The following SEC63 variants were observed in gnomAD, a reference collection of about 807,000 sequenced individuals.
SEC63 encodes translocation protein SEC63 homolog.
Under a neutral mutation model 116.2 loss-of-function variants are expected in SEC63, and 56 were observed. The observed-to-expected ratio is 0.48, with a 90% confidence interval of 0.39 to 0.60. The LOEUF (loss-of-function observed/expected upper bound fraction) is 0.60. Among genes scored for constraint, SEC63 ranks in the 20% least tolerant of loss-of-function variants. The pLI is 0.00. For synonymous variants in SEC63, 273 were observed against 294.6 expected (o/e 0.93, Z 0.75); for missense variants, 668 against 900.0 (o/e 0.74, Z 3.30).
intron 16 of SEC63, among the ~76,000 whole-genome samples, chr6:107,889,202 C>T (rs892842839): frequency 1.3e-5 from 2 of 152,106 alleles, no homozygotes; most frequent in African/African-American, 2.4e-5. Context: ...AGAATTTGGC[C>T]GTGAAACCAT....
At chr6:107,922,476 A>G (rs1257726501) in intron 3 of SEC63, among the ~76,000 whole-genome samples, 1 of 152,274 alleles carries the variant, frequency 6.6e-6, no homozygotes, top group Non-Finnish European at 1.5e-5. Flanking sequence ...ACTGCACTCC[A>G]GCCTAGCTGA....
chr6:107,908,890 A>G (rs374838462), intron 8 of SEC63, 37 bp downstream of exon 8: 2 of 1,198,624 alleles, frequency 1.7e-6, no homozygotes, highest in Non-Finnish European at 2.5e-6. Flanking sequence ...TCACAAAACA[A>G]TGTGATTAAT....
At position 107,882,975 on chromosome 6, in the gene SEC63, C is replaced by T. The variant is rs973854952; in HGVS notation, c.1833+13G>A. ...TTCCAATTATTTAAATTATTTAAACCTATAAGGCTTACTGCTTCATCATCT... is the reference window on the plus strand; with the variant it reads ...TTCCAATTATTTAAATTATTTAAACTTATAAGGCTTACTGCTTCATCATCT... On this transcript the variant is annotated intron_variant, in intron 17 of 20. Transcript: ENST00000369002. The T allele has an allele frequency of 6.6e-7, 1 of 1,516,400 alleles. No homozygotes were observed. Among genetic ancestry groups the T allele is most frequent in the East Asian group, 2.3e-5 (1 of 44,300 alleles). The allele number at this position is 1,516,400 out of a possible 1,614,324, so 93.9% of individuals were successfully genotyped here.
At chr6:107,936,136 C>A (rs1313308851) in intron 1 of SEC63, among the ~76,000 whole-genome samples, 1 of 152,206 alleles carries the variant, frequency 6.6e-6, no homozygotes, top group Non-Finnish European at 1.5e-5. Context: ...GTATGATGTT[C>A]TACTGTTCCT....
At chr6:107,947,061 A>T (rs1194431962) in intron 1 of SEC63, among the ~76,000 whole-genome samples, 2 of 152,212 alleles carry the variant, frequency 1.3e-5, no homozygotes, top group African/African-American at 4.8e-5. Flanking sequence ...CCCTTTGAAT[A>T]CAAAGCTGAT....
At chr6:107,914,218 T>A (rs957842541) in intron 4 of SEC63, among the ~76,000 whole-genome samples, 4 of 152,010 alleles carry the variant, frequency 2.6e-5, no homozygotes, top group Non-Finnish European at 5.9e-5. Flanking sequence ...AAATATACAA[T>A]GTAGTTAAGG....
At chr6:107,920,012 T>C (rs1056190419) in intron 4 of SEC63, among the ~76,000 whole-genome samples, 2 of 152,214 alleles carry the variant, frequency 1.3e-5, no homozygotes, top group Admixed American at 1.3e-4. Context: ...TCAACAGCCA[T>C]CAACATCAAG....
intron 14 of SEC63, among the ~76,000 whole-genome samples, chr6:107,897,176 A>C (rs57202378): frequency 2.4e-3 from 372 of 152,310 alleles, no homozygotes; most frequent in African/African-American, 8.1e-3. Flanking sequence ...GATTTTAGGT[A>C]GTTTTAATTT....
chr6:107,873,983 G>GT (rs1372660971), intron 19 of SEC63, among the ~76,000 whole-genome samples: 1 of 152,130 alleles, frequency 6.6e-6, no homozygotes, highest in Admixed American at 6.5e-5. Context: ...TGTTTAAAAC[G>GT]ATTGGGTAAA....
intron 14 of SEC63, among the ~76,000 whole-genome samples, chr6:107,894,398 G>C (rs1786765858): frequency 6.6e-6 from 1 of 152,138 alleles, no homozygotes; most frequent in South Asian, 2.1e-4. Flanking sequence ...CACAGGTGGA[G>C]CATGGTGGCT....
chr6:107,958,113 C>G lies in SEC63; in HGVS notation c.-104G>C. On this transcript the variant is annotated 5_prime_UTR_variant, in exon 1 of 21. Coordinates refer to ENST00000369002, the MANE Select transcript of SEC63 (RefSeq NM_007214.5). Reference sequence around the variant, plus strand: ...CCCGAGTGGCGTAGCTTGGACACTGCCGCCGCCGCCTCTCCTCCCCGCCCC... The same window carrying G: ...CCCGAGTGGCGTAGCTTGGACACTGGCGCCGCCGCCTCTCCTCCCCGCCCC... 1 of 1,529,260 alleles carries G rather than the reference C, an allele frequency of 6.5e-7. No individual in the cohort carries two copies. The highest frequency in any genetic ancestry group is 2.3e-5 in the East Asian group (1 of 43,056). 94.7% of individuals were successfully genotyped at this position (1,529,260 alleles called of 1,614,324 possible).
intron 19 of SEC63, among the ~76,000 whole-genome samples, chr6:107,875,249 G>C (rs1307385982): frequency 6.6e-6 from 1 of 152,148 alleles, no homozygotes; most frequent in Non-Finnish European, 1.5e-5. Context: ...TGGTTCAGGG[G>C]AAAATACACA....
At chr6:107,941,664 T>C (rs541243116) in intron 1 of SEC63, among the ~76,000 whole-genome samples, 1 of 152,284 alleles carries the variant, frequency 6.6e-6, no homozygotes, top group South Asian at 2.1e-4. Context: ...GACAGGAGAG[T>C]TGGCGAGGTT....
chr6:107,908,592 C>G (rs1787205606), intron 8 of SEC63, among the ~76,000 whole-genome samples: 1 of 152,092 alleles, frequency 6.6e-6, no homozygotes, highest in Non-Finnish European at 1.5e-5. Flanking sequence ...TACGAGAACA[C>G]AGCAAAAATT....
At position 107,893,672 on chromosome 6, in the gene SEC63, G is replaced by C; in HGVS notation, c.1501-17C>G. ...TTCACCCTGCTGTGAATCATAACAC[G>C]TCACACTCTTAAGTTATAGCAACAG... On this transcript the variant is annotated splice_polypyrimidine_tract_variant and intron_variant, in intron 15 of 20. Coordinates refer to ENST00000369002, the MANE Select transcript of SEC63 (RefSeq NM_007214.5). 6.2e-7 allele frequency: 1 copy of C among 1,613,332 alleles called. No individual in the cohort carries two copies. Among genetic ancestry groups the C allele is most frequent in the Non-Finnish European group, 8.5e-7 (1 of 1,179,612 alleles).
At chr6:107,943,376 T>C (rs563599349) in intron 1 of SEC63, among the ~76,000 whole-genome samples, 1 of 152,360 alleles carries the variant, frequency 6.6e-6, no homozygotes, top group East Asian at 1.9e-4. Context: ...ATGATAAAGC[T>C]GACTAGTATC....
At chr6:107,955,216 T>G (rs569535611) in intron 1 of SEC63, among the ~76,000 whole-genome samples, 15 of 152,248 alleles carry the variant, frequency 9.9e-5, no homozygotes, top group Non-Finnish European at 2.1e-4. Flanking sequence ...TGCTGGAGTG[T>G]GGTGGCACGA....
chr6:107,874,323 G>A (rs562879762), intron 19 of SEC63, among the ~76,000 whole-genome samples: 27 of 152,220 alleles, frequency 1.8e-4, no homozygotes, highest in Non-Finnish European at 1.0e-4. Context: ...AGCCGGGCAC[G>A]GTGGCTCACG....
chr6:107,923,524 T>C (rs1787603615), intron 3 of SEC63, among the ~76,000 whole-genome samples: 1 of 151,954 alleles, frequency 6.6e-6, no homozygotes, highest in South Asian at 2.1e-4. Flanking sequence ...TTAATGATAC[T>C]AGTTTCACTT....
Sources: allele counts gnomAD v4.1 joint callset (sites outside exome capture counted in the v4.1 genomes callset), GRCh38; gene constraint gnomAD v4.1.1; transcripts MANE v1.5; gene names NCBI Gene and HGNC (gene_info 2026-07-23, HGNC 2026-07-21).